WWOX: variants seen among roughly 807,000 people sequenced by gnomAD.
WWOX encodes the protein WW domain containing oxidoreductase.
In WWOX, 69 loss-of-function variants were observed where a neutral mutation model predicts 46.2. The observed-to-expected ratio is 1.49, with a 90% CI of 1.23 to 1.82. WWOX has a LOEUF of 1.82. WWOX is among the 40% of genes most tolerant of loss of function. The pLI, the probability that WWOX is intolerant of heterozygous loss-of-function variation, is 0.00. For missense variants in WWOX, 919 were observed against 542.6 expected, an observed-to-expected ratio of 1.69 and a Z score of -6.89; for synonymous variants, 359 against 202.6, an observed-to-expected ratio of 1.77 and a Z score of -6.56.
At chr16:79,151,071 C>G (rs2050269328) in intron 8 of WWOX, among the ~76,000 whole-genome samples, 1 of 152,150 alleles carries the variant, frequency 6.6e-6, no homozygotes. Flanking sequence ...ATTGGCACAT[C>G]TATGAAATAC....
At chr16:79,200,580 G>A (rs1433261468) in intron 8 of WWOX, among the ~76,000 whole-genome samples, 3 of 152,092 alleles carry the variant, frequency 2.0e-5, no homozygotes, top group Non-Finnish European at 4.4e-5. Context: ...GTAATAACAG[G>A]TCGTTGGCAC....
At chr16:78,723,595 T>C (rs1184376784) in intron 8 of WWOX, among the ~76,000 whole-genome samples, 21 of 26,818 alleles carry the variant, frequency 7.8e-4, no homozygotes, top group African/African-American at 5.3e-3. Context: ...TTCTTTTCTT[T>C]TCTTTTCTTT....
chr16:79,068,896 C>T (rs976510889), intron 8 of WWOX, among the ~76,000 whole-genome samples: 1 of 151,336 alleles, frequency 6.6e-6, no homozygotes, highest in Non-Finnish European at 1.5e-5. Context: ...GGAATGAATG[C>T]CGAAAGTGGT....
At chr16:78,701,712 T>C (rs2048221889) in intron 8 of WWOX, among the ~76,000 whole-genome samples, 1 of 151,954 alleles carries the variant, frequency 6.6e-6, no homozygotes, top group Admixed American at 6.6e-5. Flanking sequence ...AGGCAGGCCC[T>C]CAAAGCTGGG....
At chr16:78,174,309 A>G (rs1013996910) in intron 5 of WWOX, among the ~76,000 whole-genome samples, 5 of 152,200 alleles carry the variant, frequency 3.3e-5, no homozygotes, top group Non-Finnish European at 7.3e-5. Flanking sequence ...ACTGCCTGAT[A>G]AACCCATCAG....
At chr16:78,467,636 CTG>C (rs1458011069) in intron 8 of WWOX, among the ~76,000 whole-genome samples, 7 of 152,164 alleles carry the variant, frequency 4.6e-5, no homozygotes, top group Admixed American at 3.9e-4. Flanking sequence ...GAAAATATAA[CTG>C]TAACTTGGCT....
chr16:78,950,771 T>C (rs2046044037), intron 8 of WWOX, among the ~76,000 whole-genome samples: 1 of 152,200 alleles, frequency 6.6e-6, no homozygotes, highest in Admixed American at 6.5e-5. Flanking sequence ...AATGATCTAC[T>C]GGCATCATGC....
At chr16:78,386,984 TC>T (rs761149241) in intron 6 of WWOX, 36 bp downstream of exon 6, 177 of 1,586,634 alleles carry the variant, frequency 1.1e-4, no homozygotes, top group Non-Finnish European at 1.5e-4. Context: ...GATCATAATT[TC>T]TTGCTATTGT....
At chr16:78,333,875 C>T (rs1200503670) in intron 5 of WWOX, among the ~76,000 whole-genome samples, 1 of 152,106 alleles carries the variant, frequency 6.6e-6, no homozygotes, top group Non-Finnish European at 1.5e-5. Context: ...AAAGAAAAAA[C>T]ACAGAACAAC....
At chr16:79,201,111 T>C (rs189457535) in intron 8 of WWOX, among the ~76,000 whole-genome samples, 55 of 152,244 alleles carry the variant, frequency 3.6e-4, no homozygotes, top group African/African-American at 1.3e-3. Flanking sequence ...CAGTGGCTTG[T>C]CATAGGTGTC....
chr16:78,252,802 A>C (rs2038019901), intron 5 of WWOX, among the ~76,000 whole-genome samples: 1 of 152,216 alleles, frequency 6.6e-6, no homozygotes, highest in Admixed American at 6.5e-5. Flanking sequence ...CAACCCAAAA[A>C]GGGCCACTTA....
At chr16:79,009,000 G>C (rs773788649) in intron 8 of WWOX, among the ~76,000 whole-genome samples, 3 of 152,194 alleles carry the variant, frequency 2.0e-5, no homozygotes, top group Non-Finnish European at 2.9e-5. Flanking sequence ...TCCCGATTCA[G>C]CATCAGATTT....
intron 8 of WWOX, among the ~76,000 whole-genome samples, chr16:79,154,147 G>A (rs1352238387): frequency 6.6e-6 from 1 of 152,118 alleles, no homozygotes; most frequent in Admixed American, 6.5e-5. Flanking sequence ...AGCCCTAAAT[G>A]GTATGAAAAA....
intron 2 of WWOX, among the ~76,000 whole-genome samples, 200 bp downstream of exon 2, chr16:78,108,687 G>T (rs1305422780): frequency 2.2e-4 from 33 of 152,158 alleles, no homozygotes; most frequent in Non-Finnish European, 4.4e-5. Flanking sequence ...ATTTCTTACT[G>T]GTCTTAAAGT....
intron 8 of WWOX, among the ~76,000 whole-genome samples, chr16:79,063,316 AT>A (rs2048386967): frequency 6.6e-6 from 1 of 152,140 alleles, no homozygotes; most frequent in African/African-American, 2.4e-5. Context: ...AAGTGTTCTT[AT>A]TTTTTGTTCC....
chr16:78,334,685 A>G (rs2080838877), intron 5 of WWOX, among the ~76,000 whole-genome samples: 1 of 152,112 alleles, frequency 6.6e-6, no homozygotes, highest in African/African-American at 2.4e-5. Context: ...CCACAGAGAA[A>G]AAGCCACATT....
chr16:79,081,239 C>G (rs910102709), intron 8 of WWOX, among the ~76,000 whole-genome samples: 5 of 152,172 alleles, frequency 3.3e-5, no homozygotes, highest in African/African-American at 1.2e-4. Context: ...TCTTGGCTCA[C>G]TGCAACTTCT....
At chr16:78,287,501 A>G (rs190126649) in intron 5 of WWOX, among the ~76,000 whole-genome samples, 11 of 152,330 alleles carry the variant, frequency 7.2e-5, no homozygotes, top group Non-Finnish European at 1.5e-4. Flanking sequence ...TGTTATCGTC[A>G]TCAAGCAAAA....
At chr16:78,316,274 A>G (rs1023395452) in intron 5 of WWOX, among the ~76,000 whole-genome samples, 4 of 152,132 alleles carry the variant, frequency 2.6e-5, no homozygotes, top group African/African-American at 9.7e-5. Context: ...CAGCATCCAC[A>G]TGTGTGCACA....
Sources: allele counts gnomAD v4.1 joint callset (sites outside exome capture counted in the v4.1 genomes callset), GRCh38; gene constraint gnomAD v4.1.1; transcripts MANE v1.5; gene names NCBI Gene and HGNC (gene_info 2026-07-23, HGNC 2026-07-21).